ZDHHC24: variants seen among roughly 807,000 people sequenced by gnomAD.
The protein encoded by ZDHHC24 is zDHHC palmitoyltransferase 24, also known as probable palmitoyltransferase ZDHHC24.
ZDHHC24 carries 17 observed loss-of-function variants against 23.2 expected under a neutral mutation model. The observed-to-expected ratio is 0.73, with a 90% CI of 0.50 to 1.10. The LOEUF (loss-of-function observed/expected upper bound fraction) is 1.10. Ranked by LOEUF, ZDHHC24 falls within the 50% of genes least tolerant of loss-of-function variation. ZDHHC24 has a pLI of 0.00. For synonymous variants in ZDHHC24, 186 were observed against 194.5 expected (o/e 0.96, Z 0.36); for missense variants, 366 against 393.0 (o/e 0.93, Z 0.58).
chr11:66,526,818 G>C, intron 4 of ZDHHC24: 1 of 1,614,230 alleles, frequency 6.2e-7, no homozygotes, highest in Non-Finnish European at 8.5e-7. Context: ...GTGAGCCTCA[G>C]ACTGGGTCCT....
At chr11:66,523,736 T>C (rs768292767) in intron 4 of ZDHHC24, 1 of 1,611,794 alleles carries the variant, frequency 6.2e-7, no homozygotes, top group Non-Finnish European at 8.5e-7. Context: ...GAAGAAGCTG[T>C]GGACAGTGCA....
rs999297943 is a variant in ZDHHC24 at position 66,539,323 on chromosome 11, G to A, written c.*206C>T. On this transcript the variant is annotated 3_prime_UTR_variant, in exon 3 of 3. Coordinates refer to ENST00000310442, the MANE Select transcript of ZDHHC24 (RefSeq NM_207340.3). ...CAGCTAGGCGGCCTGAGCAGCCCCT[G>A]CCAGACCCTCCTCTGCACTCCTCTG... 1.6e-6 allele frequency: 2 copies of A among 1,280,548 alleles called. No individual in the cohort carries two copies. The highest frequency in any genetic ancestry group is 6.2e-5 in the East Asian group (2 of 32,200). The allele number at this position is 1,280,548 out of a possible 1,614,324, so 79.3% of individuals were successfully genotyped here.
In ZDHHC24 at chr11:66,539,161, C is replaced by G. The variant is rs1388445781; in HGVS notation, c.*368G>C. 29 of 952,712 alleles carry G rather than the reference C, an allele frequency of 3.0e-5. No individual in the cohort carries two copies. The highest frequency in any genetic ancestry group is 3.5e-5 in the Non-Finnish European group (28 of 793,604). The allele number at this position is 952,712 out of a possible 1,614,324, so 59.0% of individuals were successfully genotyped here. On this transcript the variant is annotated 3_prime_UTR_variant, in exon 3 of 3. Transcript: ENST00000310442. ...AGGTAGAGCCCCAGCCCCTGAGACC[C>G]TCAGGCATCCTGCAGTTTCCAGGCC...
At chr11:66,527,691 A>G (rs35953005) in intron 3 of ZDHHC24, 1 of 148,118 alleles carries the variant, frequency 6.8e-6, no homozygotes, top group African/African-American at 2.5e-5. Flanking sequence ...AAAAAAAAAA[A>G]GAATAAATAA....
At chr11:66,532,031 C>T (rs1489468740), downstream of ZDHHC24, 33 of 1,603,474 alleles carry the variant, frequency 2.1e-5, no homozygotes, top group South Asian at 1.3e-4. Context: ...GGCTGGCGGC[C>T]GCCTGAGACC....
chr11:66,523,834 G>T (rs773617456), intron 4 of ZDHHC24: 1 of 1,613,716 alleles, frequency 6.2e-7, no homozygotes, highest in East Asian at 2.2e-5. Flanking sequence ...CCAATGGAGA[G>T]GTCCGCATTT....
intron 3 of ZDHHC24, chr11:66,527,155 A>G: frequency 1.4e-6 from 1 of 733,708 alleles, no homozygotes; most frequent in South Asian, 1.6e-5. Flanking sequence ...GGAGGACAGC[A>G]TGAGCCCAGG....
At chr11:66,526,525 C>A in intron 4 of ZDHHC24, 1 of 1,213,552 alleles carries the variant, frequency 8.2e-7, no homozygotes, top group Non-Finnish European at 1.2e-6. Context: ...CAGAAACAGT[C>A]TCGTCTGGAA....
intron 4 of ZDHHC24, chr11:66,526,158 G>A: frequency 6.2e-7 from 1 of 1,614,200 alleles, no homozygotes; most frequent in Non-Finnish European, 8.5e-7. Flanking sequence ...GCCGGTACGG[G>A]CGGGAGGACA....
At chr11:66,531,139 A>C (rs546886266), downstream of ZDHHC24, 42 of 1,462,846 alleles carry the variant, frequency 2.9e-5, no homozygotes, top group African/African-American at 4.8e-4. Flanking sequence ...GGTGGCTGCC[A>C]GGTGGCCAGC....
intron 3 of ZDHHC24, among the ~76,000 whole-genome samples, chr11:66,527,217 AAAAG>A (rs977155701): frequency 3.3e-5 from 5 of 152,090 alleles, no homozygotes; most frequent in African/African-American, 7.2e-5. Flanking sequence ...CAAAAAAAAA[AAAAG>A]AGAGAGAGAG....
chr11:66,534,084 G>A (rs533043453), downstream of ZDHHC24, among the ~76,000 whole-genome samples: 11 of 151,744 alleles, frequency 7.2e-5, no homozygotes, highest in South Asian at 2.1e-4. Flanking sequence ...CAGGAGAATC[G>A]CTTGAACCCG....
At chr11:66,523,374 A>C in intron 4 of ZDHHC24, 1 of 1,599,920 alleles carries the variant, frequency 6.3e-7, no homozygotes, top group African/African-American at 1.3e-5. Context: ...AGGTGAGTCC[A>C]TGAGGTTTAG....
At position 66,529,998 on chromosome 11, in the gene ZDHHC24, C is replaced by T. The variant is rs1310779029; in HGVS notation, c.560-510G>A. On this transcript the variant is annotated intron_variant, in intron 2 of 4. Transcript: ENST00000526986. The stretch of plus-strand genomic sequence containing the variant: ...AGAGTCAGGGCCAGAGGGGCAGAGG[C>T]CAGGATGCGCAGGAACCCCTCTGCC... The T allele has an allele frequency of 2.5e-6, 4 of 1,568,790 alleles. No individual in the cohort carries two copies. In the South Asian group the frequency reaches 3.4e-5, roughly 13 times the overall value.
intron 2 of ZDHHC24, among the ~76,000 whole-genome samples, chr11:66,540,721 A>G (rs1857129074): frequency 1.3e-5 from 2 of 151,892 alleles, no homozygotes; most frequent in Non-Finnish European, 2.9e-5. Context: ...GAGTGAGAAA[A>G]AAAAAAAAAG....
At chr11:66,529,220 TG>T in intron 3 of ZDHHC24, 1 of 1,483,492 alleles carries the variant, frequency 6.7e-7, no homozygotes, top group South Asian at 1.3e-5. Context: ...GGAGGTGGCT[TG>T]GGGAAGAGTC....
intron 2 of ZDHHC24, among the ~76,000 whole-genome samples, chr11:66,542,308 C>T (rs866851472): frequency 6.6e-6 from 1 of 152,054 alleles, no homozygotes; most frequent in Admixed American, 6.6e-5. Flanking sequence ...CTCTGGCTCT[C>T]AGCAGCCAGA....
Position 66,529,342 on chromosome 11 carries a change from G to A in ZDHHC24, c.706C>T (p.Gln236Ter). Residue 236 changes from glutamine (Q) to a stop codon, truncating the protein, a stop_gained, in exon 3 of 5, where the codon CAG (glutamine) becomes TAG (stop). Transcript: ENST00000526986. LOFTEE classifies it high-confidence loss of function. ...GGCTGGTTTCCGCAGCATTGAGCCT[G>A]AGGTGTTGATGGGACCTCCCTGTGG... The A allele has an allele frequency of 1.0e-5, 16 of 1,533,362 alleles. No individual in the cohort carries two copies. Among genetic ancestry groups the A allele is most frequent in the Middle Eastern group, 1.7e-4 (1 of 5,968 alleles). The allele number at this position is 1,533,362 out of a possible 1,614,324, so 95.0% of individuals were successfully genotyped here.
At position 66,539,734 on chromosome 11, in the gene ZDHHC24, T is replaced by C. The variant is rs1425705522; in HGVS notation, c.650A>G (p.His217Arg). ...CTGGCCCCGCAGCAGCAGCATCCCA[T>C]GGAAGAGCAGCCCAGCCCCGCACAG... ...ALLCGAGLLF[H>R]GMLLLRGQTT... Residue 217 changes from histidine (H) to arginine (R), a missense_variant, in exon 3 of 3, where the codon CAT becomes CGT. Physicochemically the swap from His to Arg is conservative, Grantham distance 29. Transcript: ENST00000310442. 3.7e-6 allele frequency: 6 copies of C among 1,612,952 alleles called. No homozygotes were observed. Among genetic ancestry groups the C allele is most frequent in the Middle Eastern group, 3.3e-4 (2 of 6,070 alleles).
Sources: allele counts gnomAD v4.1 joint callset (sites outside exome capture counted in the v4.1 genomes callset), GRCh38; gene constraint gnomAD v4.1.1; transcripts MANE v1.5; gene names NCBI Gene and HGNC (gene_info 2026-07-23, HGNC 2026-07-21).